Variants in RIMS1 observed in about 807,000 individuals in gnomAD.
The protein encoded by RIMS1 is regulating synaptic membrane exocytosis 1, also known as regulating synaptic membrane exocytosis protein 1.
In RIMS1, 83 loss-of-function variants were observed where a neutral mutation model predicts 214.1. The ratio of observed to expected loss-of-function variants is 0.39; its 90% CI spans 0.32 to 0.47. The LOEUF (loss-of-function observed/expected upper bound fraction) is 0.47. RIMS1 is among the 20% of genes least tolerant of loss of function. The pLI, the probability that RIMS1 is intolerant of heterozygous loss-of-function variation, is 0.99. For missense variants in RIMS1, 2,050 were observed against 2,161.8 expected, an observed-to-expected ratio of 0.95 and a Z score of 1.03; for synonymous variants, 793 against 786.8, an observed-to-expected ratio of 1.01 and a Z score of -0.13.
At chr6:71,980,179 C>T (rs1482749273) in intron 2 of RIMS1, among the ~76,000 whole-genome samples, 2 of 151,938 alleles carry the variant, frequency 1.3e-5, no homozygotes, top group African/African-American at 4.8e-5. Flanking sequence ...CCAAAGGAGG[C>T]AAAATATAAT....
chr6:71,936,523 G>C (rs940358192), intron 1 of RIMS1, among the ~76,000 whole-genome samples: 7 of 152,062 alleles, frequency 4.6e-5, no homozygotes, highest in African/African-American at 1.4e-4. Flanking sequence ...AGAATGTTTA[G>C]TTCAGTTCTT....
At chr6:72,400,021 G>A (rs1346868606) in intron 33 of RIMS1, among the ~76,000 whole-genome samples, 1 of 152,082 alleles carries the variant, frequency 6.6e-6, no homozygotes, top group Non-Finnish European at 1.5e-5. Context: ...TAATACGAAA[G>A]AAATCAAATG....
At chr6:72,339,733 C>T (rs1347811383) in intron 29 of RIMS1, among the ~76,000 whole-genome samples, 1 of 151,784 alleles carries the variant, frequency 6.6e-6, no homozygotes, top group Non-Finnish European at 1.5e-5. Context: ...TGAATAGTGC[C>T]GCAATAAACG....
At chr6:72,244,478 G>T (rs931343401) in intron 10 of RIMS1, among the ~76,000 whole-genome samples, 2 of 151,764 alleles carry the variant, frequency 1.3e-5, no homozygotes, top group South Asian at 2.1e-4. Flanking sequence ...TTCAAATTCT[G>T]ATTTCATAAT....
rs1583900744 is a variant in RIMS1, at chr6:71,974,861, C to T, written c.245+5798C>T. Among the ~76,000 whole-genome samples the T allele has an allele frequency of 2.0e-5, 3 of 152,112 alleles. No homozygotes were observed. In the East Asian group the frequency reaches 5.8e-4, roughly 29 times the overall value. ...ACTCAGGAGAGACTTAGAAAAGATA[C>T]ATTAATTTGTAAGCAATTACCTTAT... On this transcript the variant is annotated intron_variant, in intron 2 of 33. Coordinates refer to ENST00000521978, the MANE Select transcript of RIMS1 (RefSeq NM_014989.7).
intron 1 of RIMS1, among the ~76,000 whole-genome samples, chr6:71,935,002 C>G (rs908556807): frequency 6.6e-6 from 1 of 151,946 alleles, no homozygotes; most frequent in African/African-American, 2.4e-5. Context: ...ACATTGAGAC[C>G]AGTGATAAAG....
intron 2 of RIMS1, among the ~76,000 whole-genome samples, chr6:72,002,877 G>C (rs1371048287): frequency 6.6e-6 from 1 of 152,154 alleles, no homozygotes; most frequent in Non-Finnish European, 1.5e-5. Context: ...ATCCCATAAA[G>C]GAATAAAGAC....
chr6:72,263,041 A>G, intron 19 of RIMS1: 1 of 895,048 alleles, frequency 1.1e-6, no homozygotes, highest in Non-Finnish European at 1.3e-6. Flanking sequence ...AGGATTCAAA[A>G]TCAGATCTAT....
chr6:72,214,965 A>G (rs1031444640), intron 6 of RIMS1, among the ~76,000 whole-genome samples: 2 of 151,916 alleles, frequency 1.3e-5, no homozygotes, highest in Admixed American at 6.6e-5. Flanking sequence ...CCGGTGATCC[A>G]CCCGCCTCGG....
intron 29 of RIMS1, among the ~76,000 whole-genome samples, chr6:72,376,913 G>A (rs1204621013): frequency 6.6e-6 from 1 of 152,198 alleles, no homozygotes; most frequent in Middle Eastern, 3.4e-3. Flanking sequence ...TCAAAATAAA[G>A]GATTCATTGT....
chr6:72,137,927 G>A (rs1028279366), intron 4 of RIMS1, among the ~76,000 whole-genome samples: 1 of 151,752 alleles, frequency 6.6e-6, no homozygotes, highest in African/African-American at 2.4e-5. Flanking sequence ...TAGTAGAGAC[G>A]GGGTTTCACC....
chr6:71,956,093 A>AAT (rs199531609), intron 1 of RIMS1, among the ~76,000 whole-genome samples: 24 of 151,218 alleles, frequency 1.6e-4, no homozygotes, highest in South Asian at 4.2e-4. Context: ...TTGCCTAAAA[A>AAT]ATATATATAT....
chr6:72,225,669 G>A (rs985692831), intron 6 of RIMS1, among the ~76,000 whole-genome samples: 4 of 152,084 alleles, frequency 2.6e-5, no homozygotes, highest in East Asian at 1.9e-4. Flanking sequence ...TGGTTATTCC[G>A]AGACTTTGCA....
chr6:72,125,347 C>T (rs550248525), intron 4 of RIMS1, among the ~76,000 whole-genome samples: 2 of 152,298 alleles, frequency 1.3e-5, no homozygotes, highest in East Asian at 3.9e-4. Context: ...CTGATCCTTC[C>T]TCTGGAAGCT....
chr6:72,041,297 A>G (rs1399926957), intron 2 of RIMS1, among the ~76,000 whole-genome samples: 3 of 151,934 alleles, frequency 2.0e-5, no homozygotes, highest in Non-Finnish European at 2.9e-5. Flanking sequence ...AAGTCAGCCA[A>G]TGCCAACAAA....
intron 2 of RIMS1, among the ~76,000 whole-genome samples, chr6:72,094,218 C>T (rs1434975560): frequency 6.6e-6 from 1 of 152,070 alleles, no homozygotes; most frequent in Non-Finnish European, 1.5e-5. Context: ...AAGTGTATGC[C>T]TGAACTATTT....
chr6:72,110,398 TC>T (rs2035800431), intron 4 of RIMS1, among the ~76,000 whole-genome samples: 1 of 151,774 alleles, frequency 6.6e-6, no homozygotes, highest in Non-Finnish European at 1.5e-5. Flanking sequence ...TTTGTAGTTC[TC>T]CTTGAAGAGG....
At chr6:72,262,382 A>G (rs1416381377) in intron 19 of RIMS1, 2 of 979,310 alleles carry the variant, frequency 2.0e-6, no homozygotes, top group Non-Finnish European at 2.4e-6. Context: ...TATGTATACA[A>G]TTTAAAAATA....
chr6:71,992,621 T>C (rs570304151), intron 2 of RIMS1, among the ~76,000 whole-genome samples: 1 of 146,558 alleles, frequency 6.8e-6, no homozygotes, highest in African/African-American at 2.5e-5. Context: ...CTTCTTCTTC[T>C]TCTTCTTCCT....
Sources: gnomAD v4.1 joint callset for allele counts (sites outside exome capture counted in the v4.1 genomes callset) on GRCh38, gnomAD v4.1.1 for gene constraint, MANE v1.5 for transcripts, NCBI Gene and HGNC (gene_info 2026-07-23, HGNC 2026-07-21) for gene names.